REPS1: variants seen among roughly 807,000 people sequenced by gnomAD.
The protein encoded by REPS1 is RALBP1 associated Eps domain containing 1.
REPS1 carries 39 observed loss-of-function variants against 100.9 expected under a neutral mutation model. The observed-to-expected ratio is 0.39, with a 90% confidence interval of 0.30 to 0.50. The LOEUF is 0.50. Ranked by LOEUF, REPS1 falls within the 20% of genes least tolerant of loss-of-function variation. The probability of loss-of-function intolerance (pLI) is 0.86; values close to 1 mark genes in which losing one functional copy is unlikely to be tolerated. For synonymous variants in REPS1, 324 were observed against 340.3 expected (o/e 0.95, Z 0.53); for missense variants, 821 against 968.5 (o/e 0.85, Z 2.02).
chr6:138,957,606 G>T (rs184227396), intron 1 of REPS1, among the ~76,000 whole-genome samples: 91 of 152,264 alleles, frequency 6.0e-4, no homozygotes, highest in African/African-American at 2.1e-3. Flanking sequence ...GAGAAAAAAA[G>T]TTGCAGGATG....
chr6:138,940,712 C>T (rs372019539), intron 8 of REPS1, among the ~76,000 whole-genome samples: 1 of 150,578 alleles, frequency 6.6e-6, no homozygotes, highest in South Asian at 2.1e-4. Context: ...TGCCACTGCA[C>T]TCCAGCCTGG....
chr6:138,969,269 A>ATTTTTTTTTTTTTTTTTTTTTTTTTTT lies in REPS1; in HGVS notation c.153+18234_153+18260dup, dbSNP rs71013004. 6.1e-4 allele frequency among the ~76,000 whole-genome samples: 45 copies of ATTTTTTTTTTTTTTTTTTTTTTTTTTT among 74,248 alleles called. 2 individuals carry two copies. The highest frequency in any genetic ancestry group is 8.1e-4 in the Non-Finnish European group (31 of 38,344). 48.7% of individuals were successfully genotyped at this position (74,248 alleles called of 152,430 possible). A position where few individuals can be genotyped will look rare whatever the true frequency, so the allele number is the denominator to read the frequency against. ...ACACAATCTATGATACAAAGCTGTA[A>ATTTTTTTTTTTTTTTTTTTTTTTTTTT]TTTTTTTTTTTTTTTTTTTTTTTTT... On this transcript the variant is annotated intron_variant, in intron 1 of 19. Transcript: ENST00000450536.
chr6:138,957,937 T>C (rs1582824372), intron 1 of REPS1, among the ~76,000 whole-genome samples: 1 of 152,286 alleles, frequency 6.6e-6, no homozygotes, highest in East Asian at 1.9e-4. Context: ...ACAATATAAA[T>C]GTTATTAATA....
intron 1 of REPS1, among the ~76,000 whole-genome samples, chr6:138,960,868 C>T (rs966335582): frequency 6.6e-6 from 1 of 152,114 alleles, no homozygotes; most frequent in African/African-American, 2.4e-5. Flanking sequence ...ACTGATCTCA[C>T]CAGAAAAGTC....
intron 1 of REPS1, among the ~76,000 whole-genome samples, chr6:138,986,518 G>A (rs1243606938): frequency 6.6e-6 from 1 of 152,240 alleles, no homozygotes; most frequent in African/African-American, 2.4e-5. Context: ...GTTAACAGCA[G>A]AGTAGGGTCA....
At chr6:138,975,707 G>T (rs574845492) in intron 1 of REPS1, among the ~76,000 whole-genome samples, 1 of 152,094 alleles carries the variant, frequency 6.6e-6, no homozygotes, top group Non-Finnish European at 1.5e-5. Flanking sequence ...AGTGGCAGGC[G>T]CCTGTAATCC....
intron 1 of REPS1, among the ~76,000 whole-genome samples, chr6:138,981,721 C>G (rs985891431): frequency 3.3e-5 from 5 of 152,178 alleles, no homozygotes; most frequent in African/African-American, 4.8e-5. Flanking sequence ...AAAACCCAAT[C>G]CCATAGCTAT....
At position 138,925,190 on chromosome 6, in the gene REPS1, T is replaced by TAA. The variant is rs370785674; in HGVS notation, c.1338+1210_1338+1211insTT. 6.8e-5 allele frequency among the ~76,000 whole-genome samples: 10 copies of TAA among 148,090 alleles called. No individual in the cohort carries two copies. The East Asian group carries it at 2.0e-3, about 30-fold the overall frequency. ...GTGAAACCCCGCCTCTACTAAAAAATACACACACACACACACACACACACA... is the reference window on the plus strand; with the variant it reads ...GTGAAACCCCGCCTCTACTAAAAAATAAACACACACACACACACACACACACA... On this transcript the variant is annotated intron_variant, in intron 10 of 19. Transcript: ENST00000450536.
intron 1 of REPS1, among the ~76,000 whole-genome samples, chr6:138,973,018 A>G (rs946392039): frequency 1.3e-5 from 2 of 152,248 alleles, no homozygotes; most frequent in African/African-American, 4.8e-5. Context: ...ACAGGAACAA[A>G]GTGATAATAA....
chr6:138,987,158 C>T (rs746330074), intron 1 of REPS1, among the ~76,000 whole-genome samples: 1 of 152,206 alleles, frequency 6.6e-6, no homozygotes, highest in Admixed American at 6.5e-5. Context: ...ATACTGATAA[C>T]TTTACTACTC....
chr6:138,908,716 T>A lies in REPS1; in HGVS notation c.2168A>T (p.Lys723Met). 6.2e-7 allele frequency: 1 copy of A among 1,614,190 alleles called. No homozygotes were observed. Among genetic ancestry groups the A allele is most frequent in the Non-Finnish European group, 8.5e-7 (1 of 1,179,994 alleles). ...LRPEVDEHTQKTGVLAAVLAS... is the reference protein window; with the variant it reads ...LRPEVDEHTQMTGVLAAVLAS... ...AAGAACAGCAGCTAAGACACCCGTC[T>A]TTTGTGTATGTTCATCAACTTCTGG... Residue 723 changes from lysine to methionine, a missense_variant, in exon 18 of 20, where the codon AAG (lysine) becomes ATG (methionine). Transcript: ENST00000450536.
chr6:138,955,020 AC>A (rs2128486881), intron 1 of REPS1, among the ~76,000 whole-genome samples: 1 of 152,316 alleles, frequency 6.6e-6, no homozygotes, highest in African/African-American at 2.4e-5. Flanking sequence ...TCACAAATTA[AC>A]CAATCCTCTA....
chr6:138,933,833 T>C (rs530856180), intron 8 of REPS1, among the ~76,000 whole-genome samples: 1 of 152,292 alleles, frequency 6.6e-6, no homozygotes, highest in South Asian at 2.1e-4. Context: ...TTGATAGATT[T>C]AACCCATGTA....
intron 16 of REPS1, chr6:138,912,551 A>G (rs1426682496): frequency 1.8e-6 from 1 of 566,846 alleles, no homozygotes; most frequent in East Asian, 3.1e-5. Flanking sequence ...GTGTCTTTGC[A>G]TGTGATATCA....
Position 138,912,901 on chromosome 6 carries a change from G to A in REPS1, c.1835C>T (p.Thr612Ile), listed in dbSNP as rs141931003. 6.8e-6 allele frequency: 11 copies of A among 1,614,034 alleles called. No individual in the cohort carries two copies. Among genetic ancestry groups the A allele is most frequent in the African/African-American group, 6.7e-5 (5 of 74,934 alleles). ...CTGCTGAGGTGAGGTACTAGTGTGA[G>A]TTATGAGGCCATCGGCATCCACTGG... ...HRPVDADGLI[T>I]HTSTSPQQIP... is the part of the protein sequence containing the mutation. The change falls in exon 16 of 20, where the codon ACT (threonine) becomes ATT (isoleucine). Residue 612 changes from threonine to isoleucine, a missense_variant. Around this residue, in one of 3 missense-constraint regions of REPS1, gnomAD observed 757 missense variants for 866.4 expected, o/e 0.87. Transcript: ENST00000450536.
intron 19 of REPS1, among the ~76,000 whole-genome samples, chr6:138,906,352 A>T (rs1329685492): frequency 1.3e-5 from 2 of 152,242 alleles, no homozygotes; most frequent in Non-Finnish European, 2.9e-5. Flanking sequence ...AAAATGCCTA[A>T]CATACTAGGT....
chr6:138,907,485 A>G lies in REPS1; in HGVS notation c.2322+10T>C. The G allele has an allele frequency of 6.3e-7, 1 of 1,588,100 alleles. No individual in the cohort carries two copies. Among genetic ancestry groups the G allele is most frequent in the Non-Finnish European group, 8.6e-7 (1 of 1,157,426 alleles). Reference sequence around the variant, plus strand: ...TAAGGAACATTATAAAGATTCAGAAACTATATTACCTTTAATTGTTGCTGC... The same window carrying G: ...TAAGGAACATTATAAAGATTCAGAAGCTATATTACCTTTAATTGTTGCTGC... On this transcript the variant is annotated intron_variant, in intron 19 of 19. Coordinates refer to ENST00000450536, the MANE Select transcript of REPS1 (RefSeq NM_001286611.2).
rs1303760360 is a variant in REPS1 at position 138,945,319 on chromosome 6, G to A, written c.528C>T (p.His176=). Residue 176 remains histidine, a synonymous_variant, in exon 4 of 20, where the codon CAC becomes CAT. Coordinates refer to ENST00000450536, the MANE Select transcript of REPS1 (RefSeq NM_001286611.2). The stretch of plus-strand genomic sequence containing the variant: ...GATGACGGCTGTGCTTCCTCCATGT[G>A]TGTGGAGAAGTTGGTGGGGATTGCT... ...SPQQSPPTSP[H]TWRKHSRHPS... 4 of 1,612,438 alleles carry A rather than the reference G, an allele frequency of 2.5e-6. No homozygotes were observed. The highest frequency in any genetic ancestry group is 3.4e-6 in the Non-Finnish European group (4 of 1,179,564).
rs1243003405 is a variant in REPS1, at chr6:138,941,238, T to G, written c.1135+97A>C. Reference sequence around the variant, plus strand: ...TACACTTGATGAAATATCTAAGCTATTAAGCTAAGGTTAACCTCTATCTTG... The same window carrying G: ...TACACTTGATGAAATATCTAAGCTAGTAAGCTAAGGTTAACCTCTATCTTG... On this transcript the variant is annotated intron_variant, in intron 8 of 19. Transcript: ENST00000450536. The G allele has an allele frequency of 2.3e-6, 3 of 1,290,744 alleles. No homozygotes were observed. In the East Asian group the frequency reaches 7.0e-5, roughly 30 times the overall value. The allele number at this position is 1,290,744 out of a possible 1,614,324, so 80.0% of individuals were successfully genotyped here.
Sources: gnomAD v4.1 joint callset for allele counts (sites outside exome capture counted in the v4.1 genomes callset) on GRCh38, gnomAD v4.1.1 for gene constraint, gnomAD v4.1.1 regional missense constraint, MANE v1.5 for transcripts, NCBI Gene and HGNC (gene_info 2026-07-23, HGNC 2026-07-21) for gene names.